The following SH3YL1 variants were observed in gnomAD, a reference collection of about 807,000 sequenced individuals.
SH3YL1 encodes the protein SH3 domain-containing YSC84-like protein 1.
In SH3YL1, 41 loss-of-function variants were observed where a neutral mutation model predicts 45.8. That is an observed-to-expected ratio of 0.89 (90% CI 0.70 to 1.16). The LOEUF is 1.16. Ranked by LOEUF, SH3YL1 falls within the 50% of genes most tolerant of loss-of-function variation. The probability of loss-of-function intolerance (pLI) is 0.00; values close to 1 mark genes in which losing one functional copy is unlikely to be tolerated. For synonymous variants in SH3YL1, 152 were observed against 151.4 expected (o/e 1.00, Z -0.03); for missense variants, 389 against 409.6 (o/e 0.95, Z 0.43).
chr2:232,363 C>A (rs552578357), intron 6 of SH3YL1, among the ~76,000 whole-genome samples: 1 of 152,030 alleles, frequency 6.6e-6, no homozygotes, highest in African/African-American at 2.4e-5. Flanking sequence ...TGAGTTGTAA[C>A]TGGTGTGCCT....
chr2:235,074 G>A lies in SH3YL1; in HGVS notation c.292-802C>T, dbSNP rs1284200258. On this transcript the variant is annotated intron_variant, in intron 4 of 9. Transcript: ENST00000356150. ...GTATTTTTAGTAGAGATGGGGTTTC[G>A]CCATGTTGGCCAGGCTAGTTTTGAA... 5.3e-5 allele frequency among the ~76,000 whole-genome samples: 8 copies of A among 152,088 alleles called. No individual in the cohort carries two copies. The East Asian group carries it at 7.8e-4, about 15-fold the overall frequency.
At chr2:230,901 T>A in intron 7 of SH3YL1, 122 bp downstream of exon 7, 2 of 872,952 alleles carry the variant, frequency 2.3e-6, no homozygotes, top group East Asian at 4.8e-5. Flanking sequence ...CACAAGAATG[T>A]GAAGTCAGTG....
chr2:225,950 C>T (rs565925078), intron 8 of SH3YL1, among the ~76,000 whole-genome samples: 9 of 152,098 alleles, frequency 5.9e-5, no homozygotes, highest in African/African-American at 1.9e-4. Context: ...GTAATGTTAC[C>T]ATAATTAGCA....
At chr2:247,095 G>C (rs928042953) in intron 4 of SH3YL1, among the ~76,000 whole-genome samples, 3 of 152,196 alleles carry the variant, frequency 2.0e-5, no homozygotes, top group East Asian at 1.9e-4. Flanking sequence ...GAAATAACGT[G>C]AAGTTCTTCT....
chr2:252,372 T>C (rs533650502), intron 2 of SH3YL1, among the ~76,000 whole-genome samples: 4 of 152,326 alleles, frequency 2.6e-5, no homozygotes, highest in African/African-American at 7.2e-5. Context: ...TAGCACGCGA[T>C]GCAAAGGACA....
intron 1 of SH3YL1, among the ~76,000 whole-genome samples, chr2:258,935 G>A (rs1311736172): frequency 6.6e-6 from 1 of 152,178 alleles, no homozygotes; most frequent in Admixed American, 6.5e-5. Context: ...CTTTCTCTCA[G>A]CCGTCCCTCA....
chr2:236,237 GGCA>G (rs201175465), intron 4 of SH3YL1, among the ~76,000 whole-genome samples: 1 of 135,948 alleles, frequency 7.4e-6, no homozygotes, highest in Admixed American at 7.3e-5. Flanking sequence ...GGCCAGGGGA[GGCA>G]GCAGCATGGG....
In SH3YL1 at chr2:231,140, C is replaced by T. The variant is rs768720234; in HGVS notation, c.585G>A (p.Pro195=). The change falls in exon 7 of 10, where the codon CCG becomes CCA. Residue 195 remains proline (P), a synonymous_variant. Coordinates refer to ENST00000356150, the MANE Select transcript of SH3YL1 (RefSeq NM_015677.4). The part of the protein sequence containing the change: ...RAYDILFGDT[P]RPAQAEDLYE... Reference sequence around the variant, plus strand: ...AAAGATCTTCGGCTTGAGCAGGCCGCGGTGTATCTCCAAATAAAATGTCAT... The same window carrying T: ...AAAGATCTTCGGCTTGAGCAGGCCGTGGTGTATCTCCAAATAAAATGTCAT... The T allele has an allele frequency of 1.9e-5, 30 of 1,613,678 alleles. No individual in the cohort carries two copies. The highest frequency in any genetic ancestry group is 2.2e-5 in the East Asian group (1 of 44,890).
chr2:238,930 C>A (rs1668422148), intron 4 of SH3YL1, among the ~76,000 whole-genome samples: 1 of 152,180 alleles, frequency 6.6e-6, no homozygotes, highest in East Asian at 1.9e-4. Context: ...GAACTCTCCA[C>A]CCTGTAGAAT....
Position 249,799 on chromosome 2 carries a change from A to G in SH3YL1, c.158T>C (p.Ile53Thr). Residue 53 changes from isoleucine to threonine, a missense_variant, in exon 3 of 10, where the codon ATC (isoleucine) becomes ACC (threonine). Coordinates refer to ENST00000356150, the MANE Select transcript of SH3YL1 (RefSeq NM_015677.4). ...KAKGLAILSV[I>T]KAGFLVTARG... is the part of the protein sequence containing the mutation. ...GGCAGTCACCAGGAACCCGGCTTTG[A>G]TCACAGACAGAATTGCAAGGCCTTT... 1 of 1,552,058 alleles carries G rather than the reference A, an allele frequency of 6.4e-7. No homozygotes were observed.
chr2:255,830 T>G (rs1032679037), intron 1 of SH3YL1: 2 of 152,218 alleles, frequency 1.3e-5, no homozygotes, highest in African/African-American at 4.8e-5. Context: ...GATGCATGTG[T>G]GTAGCTCTTT....
At chr2:244,740 T>C (rs1202178927) in intron 4 of SH3YL1, 2 of 152,184 alleles carry the variant, frequency 1.3e-5, no homozygotes, top group African/African-American at 4.8e-5. Flanking sequence ...CGTCAGTCTC[T>C]GTGGACGTAG....
At chr2:245,029 A>G (rs765766952) in intron 4 of SH3YL1, among the ~76,000 whole-genome samples, 1 of 152,116 alleles carries the variant, frequency 6.6e-6, no homozygotes, top group Admixed American at 6.5e-5. Flanking sequence ...TGGATACCCC[A>G]TGCTCCCGTT....
chr2:230,872 C>G (rs1668002086), intron 7 of SH3YL1, 151 bp downstream of exon 7: 1 of 711,122 alleles, frequency 1.4e-6, no homozygotes, highest in Middle Eastern at 2.6e-4. Flanking sequence ...GAGGAAATGT[C>G]AAGGTAGCAT....
At chr2:237,422 C>A (rs1668357902) in intron 4 of SH3YL1, among the ~76,000 whole-genome samples, 1 of 151,800 alleles carries the variant, frequency 6.6e-6, no homozygotes, top group South Asian at 2.1e-4. Flanking sequence ...GCAGCAATGG[C>A]CCTCAGTTTA....
chr2:249,924 A>ATC, intron 2 of SH3YL1, 80 bp from the exon 3 acceptor site: 1 of 976,672 alleles, frequency 1.0e-6, no homozygotes, highest in African/African-American at 1.6e-5. Flanking sequence ...AAACAGAGTC[A>ATC]GTGTACACAG....
chr2:262,919 C>T (rs777215847), intron 1 of SH3YL1: 2 of 300,530 alleles, frequency 6.7e-6, no homozygotes, highest in East Asian at 9.2e-5. Flanking sequence ...CATTAGTGAA[C>T]CAAATAACCA....
Position 218,699 on chromosome 2 carries a change from T to A in SH3YL1, c.*112A>T. On this transcript the variant is annotated 3_prime_UTR_variant, in exon 10 of 10. Transcript: ENST00000356150. Reference sequence around the variant, plus strand: ...AATCTTTTACATACGGAATGGAAATTTTGTAGAACAGAAGTTTTTTAAAAT... The same window carrying A: ...AATCTTTTACATACGGAATGGAAATATTGTAGAACAGAAGTTTTTTAAAAT... 1.1e-6 allele frequency: 1 copy of A among 928,560 alleles called. No homozygotes were observed. Among genetic ancestry groups the A allele is most frequent in the Non-Finnish European group, 1.6e-6 (1 of 643,238 alleles). The allele number at this position is 928,560 out of a possible 1,614,324, so 57.5% of individuals were successfully genotyped here.
chr2:244,464 C>A (rs1343163048), intron 4 of SH3YL1, among the ~76,000 whole-genome samples: 1 of 149,998 alleles, frequency 6.7e-6, no homozygotes, highest in Non-Finnish European at 1.5e-5. Flanking sequence ...CCACTGCACT[C>A]CAGCCTGGGC....
Sources: allele counts gnomAD v4.1 joint callset (sites outside exome capture counted in the v4.1 genomes callset), GRCh38; gene constraint gnomAD v4.1.1; transcripts MANE v1.5; gene names NCBI Gene and HGNC (gene_info 2026-07-23, HGNC 2026-07-21).